Variants in ZDHHC15 observed in about 807,000 individuals in gnomAD.
ZDHHC15 encodes palmitoyltransferase ZDHHC15.
In ZDHHC15, 19 loss-of-function variants were observed where a neutral mutation model predicts 31.7. The observed-to-expected ratio is 0.60, with a 90% confidence interval of 0.42 to 0.88. The LOEUF (loss-of-function observed/expected upper bound fraction) is 0.88, where lower values mean the gene tolerates loss of function less well. Ranked by LOEUF, ZDHHC15 falls within the 40% of genes least tolerant of loss-of-function variation. The pLI, the probability that ZDHHC15 is intolerant of heterozygous loss-of-function variation, is 0.00. For missense variants in ZDHHC15, 209 were observed against 251.2 expected, an observed-to-expected ratio of 0.83 and a Z score of 1.14; for synonymous variants, 103 against 90.0, an observed-to-expected ratio of 1.14 and a Z score of -0.82.
At chrX:75,477,935 A>G (rs1456255017) in intron 3 of ZDHHC15, among the ~76,000 whole-genome samples, 9 of 110,575 alleles carry the variant, frequency 8.1e-5, no homozygotes, top group Admixed American at 1.9e-4. Flanking sequence ...ACATTCCTCA[A>G]TTTCTACATT....
chrX:75,493,541 C>T (rs1276209866), intron 2 of ZDHHC15, among the ~76,000 whole-genome samples: 1 of 111,875 alleles, frequency 8.9e-6, no homozygotes, highest in Non-Finnish European at 1.9e-5. Flanking sequence ...CAGTAAAATA[C>T]TGGCAAATGG....
chrX:75,522,491 G>C (rs1034004334), intron 1 of ZDHHC15, among the ~76,000 whole-genome samples: 3 of 111,544 alleles, frequency 2.7e-5, no homozygotes, highest in Non-Finnish European at 5.7e-5. Flanking sequence ...TGGATGCATT[G>C]GTGAGATTCC....
chrX:75,377,080 G>A (rs145737376), intron 11 of ZDHHC15, among the ~76,000 whole-genome samples: 2,226 of 111,535 alleles, frequency 0.02, 27 homozygotes, highest in Middle Eastern at 0.057. Context: ...GTTGTTTTCA[G>A]TTTGGAGCTT....
chrX:75,473,617 T>C (rs950408056), intron 3 of ZDHHC15, among the ~76,000 whole-genome samples: 1 of 110,952 alleles, frequency 9.0e-6, no homozygotes, highest in African/African-American at 3.3e-5. Flanking sequence ...ACCCAGACTA[T>C]CAAGATGAAA....
chrX:75,435,470 T>C (rs1052437585), intron 4 of ZDHHC15, among the ~76,000 whole-genome samples: 4 of 112,250 alleles, frequency 3.6e-5, no homozygotes, highest in Admixed American at 9.5e-5. Context: ...ATAATTTAGC[T>C]GTGGGTTTGT....
rs1290723736 is a variant in ZDHHC15, at chrX:75,481,131, A to AT, written c.164-2147dup. Among the ~76,000 whole-genome samples the AT allele has an allele frequency of 2.7e-5, 3 of 110,356 alleles. No individual in the cohort carries two copies. In the East Asian group the frequency reaches 8.5e-4, roughly 31 times the overall value. ...TTTTTTTAATGTGTTATCTTTTGCA[A>AT]TTTTTTTGTTTCTTTGATTTTATGA... On this transcript the variant is annotated intron_variant, in intron 2 of 11. Transcript: ENST00000373367.
chrX:75,433,028 C>T (rs915721758), intron 4 of ZDHHC15, among the ~76,000 whole-genome samples: 22 of 111,281 alleles, frequency 2.0e-4, no homozygotes, highest in African/African-American at 6.5e-4. Context: ...TCACTCTCCA[C>T]TTAAAACTCT....
chrX:75,470,279 T>C (rs896887307), intron 3 of ZDHHC15, among the ~76,000 whole-genome samples: 5 of 111,701 alleles, frequency 4.5e-5, no homozygotes, highest in African/African-American at 6.5e-5. Flanking sequence ...CCCTCGAACA[T>C]TGGACTCCAA....
chrX:75,445,539 C>T (rs1401800397), intron 4 of ZDHHC15, among the ~76,000 whole-genome samples: 1 of 111,987 alleles, frequency 8.9e-6, no homozygotes, highest in Non-Finnish European at 1.9e-5. Flanking sequence ...CAGGAATTCC[C>T]AGCCAAAGTG....
chrX:75,383,421 C>G (rs1031608801), intron 10 of ZDHHC15, among the ~76,000 whole-genome samples: 1 of 111,403 alleles, frequency 9.0e-6, no homozygotes, highest in African/African-American at 3.3e-5. Flanking sequence ...AGGCTACTTT[C>G]TTCATGTCCT....
chrX:75,413,618 T>A (rs1285865758), intron 10 of ZDHHC15, among the ~76,000 whole-genome samples: 3 of 108,636 alleles, frequency 2.8e-5, no homozygotes, highest in Non-Finnish European at 5.7e-5. Context: ...TGAGCCGAGA[T>A]TGCGCCACTG....
At chrX:75,466,167 T>C (rs1233308380) in intron 3 of ZDHHC15, among the ~76,000 whole-genome samples, 1 of 111,960 alleles carries the variant, frequency 8.9e-6, no homozygotes, top group Non-Finnish European at 1.9e-5. Flanking sequence ...AAAGAAGACA[T>C]AGATGTGGCC....
chrX:75,413,271 C>A (rs1327904802), intron 10 of ZDHHC15, among the ~76,000 whole-genome samples: 1 of 112,014 alleles, frequency 8.9e-6, no homozygotes, highest in Non-Finnish European at 1.9e-5. Flanking sequence ...CTGCTGGAGT[C>A]TTTGTCAATG....
chrX:75,510,193 T>C (rs1026146921), intron 1 of ZDHHC15, among the ~76,000 whole-genome samples: 2 of 111,716 alleles, frequency 1.8e-5, no homozygotes, highest in African/African-American at 6.5e-5. Flanking sequence ...ATAATAAAAA[T>C]ATAGATTCCA....
chrX:75,415,456 T>C (rs757279836), intron 10 of ZDHHC15, among the ~76,000 whole-genome samples: 2 of 112,156 alleles, frequency 1.8e-5, no homozygotes, highest in East Asian at 5.6e-4. Flanking sequence ...TTTATGATTA[T>C]GTAAGAAGCA....
At chrX:75,379,556 T>C (rs1044027601) in intron 10 of ZDHHC15, among the ~76,000 whole-genome samples, 4 of 112,064 alleles carry the variant, frequency 3.6e-5, no homozygotes, top group Non-Finnish European at 7.5e-5. Context: ...CCGGACATAA[T>C]TGAGTTAGCT....
intron 10 of ZDHHC15, among the ~76,000 whole-genome samples, chrX:75,405,223 A>G (rs751779114): frequency 3.4e-4 from 38 of 111,250 alleles, no homozygotes; most frequent in African/African-American, 1.1e-3. Flanking sequence ...ACTGGTGTCT[A>G]CTTGAGGGCA....
At position 75,495,919 on chromosome X, in the gene ZDHHC15, C is replaced by T. The variant is rs753872755; in HGVS notation, c.163+9902G>A. 4.9e-4 allele frequency among the ~76,000 whole-genome samples: 52 copies of T among 105,264 alleles called. 2 individuals are homozygous for T. The South Asian group carries it at 0.022, about 44-fold the overall frequency. 91.4% of individuals were successfully genotyped at this position (105,264 alleles called of 115,157 possible). A position where few individuals can be genotyped will look rare whatever the true frequency, so the allele number is the denominator to read the frequency against. ...CACATTGTGCACATGTACCATAAAA[C>T]TTGAAGCATAATTAAAAAAAAAAAA... is the stretch of plus-strand genomic sequence containing the variant. On this transcript the variant is annotated intron_variant, in intron 2 of 11. Coordinates refer to ENST00000373367, the MANE Select transcript of ZDHHC15 (RefSeq NM_144969.3).
intron 1 of ZDHHC15, among the ~76,000 whole-genome samples, chrX:75,517,834 A>G (rs1211319070): frequency 1.8e-5 from 2 of 111,086 alleles, no homozygotes; most frequent in Non-Finnish European, 3.8e-5. Flanking sequence ...GAGAGCTAAA[A>G]GTATAAAATT....
Sources: allele counts gnomAD v4.1 joint callset (sites outside exome capture counted in the v4.1 genomes callset), GRCh38; gene constraint gnomAD v4.1.1; transcripts MANE v1.5; gene names NCBI Gene and HGNC (gene_info 2026-07-23, HGNC 2026-07-21).